RASGEF1B: variants seen among roughly 807,000 people sequenced by gnomAD.
RASGEF1B encodes the protein RasGEF domain family member 1B.
RASGEF1B carries 30 observed loss-of-function variants against 65.7 expected under a neutral mutation model. The observed-to-expected ratio is 0.46, with a 90% CI of 0.34 to 0.62. The LOEUF is 0.62. RASGEF1B is among the 20% of genes least tolerant of loss of function. The pLI is 0.01. For missense variants in RASGEF1B, 495 were observed against 580.1 expected, an observed-to-expected ratio of 0.85 and a Z score of 1.51; for synonymous variants, 175 against 194.8, an observed-to-expected ratio of 0.90 and a Z score of 0.85.
At chr4:81,466,615 T>G (rs543384230) in intron 1 of RASGEF1B, among the ~76,000 whole-genome samples, 1 of 151,178 alleles carries the variant, frequency 6.6e-6, no homozygotes, top group Admixed American at 6.6e-5. Context: ...AAAAATTAGC[T>G]GGGCGTGGTG....
At chr4:81,428,110 G>A (rs17005138) in intron 13 of RASGEF1B, among the ~76,000 whole-genome samples, 3,198 of 152,136 alleles carry the variant, frequency 0.021, 73 homozygotes, top group Admixed American at 0.076. Flanking sequence ...TTAGGTACAG[G>A]TTATCACAGA....
intron 4 of RASGEF1B, among the ~76,000 whole-genome samples, chr4:81,450,382 C>T (rs1486035893): frequency 7.3e-6 from 1 of 137,398 alleles, no homozygotes; most frequent in Non-Finnish European, 1.5e-5. Flanking sequence ...GATTGACTGA[C>T]TGAGACAGAG....
intron 1 of RASGEF1B, among the ~76,000 whole-genome samples, chr4:81,460,597 C>T (rs1313942747): frequency 6.6e-6 from 1 of 152,182 alleles, no homozygotes; most frequent in Non-Finnish European, 1.5e-5. Context: ...CTGTCTAAGT[C>T]ACATCCATCA....
In RASGEF1B at chr4:81,442,326, C is replaced by T; in HGVS notation, c.979G>A (p.Val327Met). Residue 327 changes from valine to methionine, a missense_variant, in exon 9 of 14, where the codon GTG becomes ATG. Coordinates refer to ENST00000264400, the MANE Select transcript of RASGEF1B (RefSeq NM_152545.3). ...AGAATGTCAAATTTTGCAGTCTTCA[C>T]TTTGGCCCAAGTTTTTTTTAGTCGA... The part of the protein sequence containing the change: ...VSRLKKTWAK[V>M]KTAKFDILEH... 1 of 1,613,458 alleles carries T rather than the reference C, an allele frequency of 6.2e-7. No homozygotes were observed. The highest frequency in any genetic ancestry group is 1.7e-4 in the Middle Eastern group (1 of 6,060).
At chr4:81,456,850 T>C (rs910360577) in intron 3 of RASGEF1B, 62 bp from the exon 4 acceptor site, 1 of 1,405,210 alleles carries the variant, frequency 7.1e-7, no homozygotes, top group African/African-American at 1.4e-5. Flanking sequence ...ATCAAATCAA[T>C]AGTTACAAAG....
At chr4:81,437,111 C>T (rs760809075) in intron 10 of RASGEF1B, among the ~76,000 whole-genome samples, 2 of 152,166 alleles carry the variant, frequency 1.3e-5, no homozygotes, top group Non-Finnish European at 2.9e-5. Flanking sequence ...TTGGATGCTG[C>T]CAGACAACAG....
intron 1 of RASGEF1B, among the ~76,000 whole-genome samples, chr4:81,468,026 G>C (rs1343017822): frequency 3.9e-5 from 6 of 152,084 alleles, no homozygotes; most frequent in Admixed American, 3.9e-4. Context: ...TTTAAATTTT[G>C]TTTAATTTAA....
intron 10 of RASGEF1B, among the ~76,000 whole-genome samples, chr4:81,438,199 C>T (rs1224409293): frequency 3.3e-5 from 5 of 152,072 alleles, no homozygotes; most frequent in Non-Finnish European, 5.9e-5. Flanking sequence ...ACACAGGTAC[C>T]TACAGAAACA....
intron 1 of RASGEF1B, among the ~76,000 whole-genome samples, chr4:81,461,490 G>A (rs888530076): frequency 7.2e-5 from 11 of 152,110 alleles, no homozygotes; most frequent in Non-Finnish European, 1.2e-4. Flanking sequence ...CATTGCTAGC[G>A]CAACCATTCT....
At chr4:81,446,035 C>T (rs868053060) in intron 6 of RASGEF1B, among the ~76,000 whole-genome samples, 197 bp from the exon 7 acceptor site, 1 of 152,200 alleles carries the variant, frequency 6.6e-6, no homozygotes. Flanking sequence ...TTAGGATAGT[C>T]CAGTGAAACA....
At chr4:81,467,893 C>G (rs922266312) in intron 1 of RASGEF1B, among the ~76,000 whole-genome samples, 3 of 152,110 alleles carry the variant, frequency 2.0e-5, no homozygotes, top group Non-Finnish European at 2.9e-5. Context: ...TGAGTGCTGT[C>G]AAAAAGAACT....
At chr4:81,433,074 A>C (rs1315908864) in intron 12 of RASGEF1B, among the ~76,000 whole-genome samples, 1 of 151,584 alleles carries the variant, frequency 6.6e-6, no homozygotes, top group African/African-American at 2.4e-5. Context: ...AAAAGAAAGA[A>C]AAAAATTAAT....
Position 81,440,879 on chromosome 4 carries a change from A to T in RASGEF1B, c.1059T>A (p.Arg353=), listed in dbSNP as rs767604750. The part of the protein sequence containing the change: ...SNFYNYRTAL[R]GAAQRSLTAH... ...CAGTTAAAGACCTTTGTGCTGCCCC[A>T]CGAAGAGCTGTTCGATAATTATAGA... The change falls in exon 10 of 14, where the codon CGT becomes CGA. Residue 353 remains arginine, a synonymous_variant. Transcript: ENST00000264400. The T allele has an allele frequency of 1.9e-6, 3 of 1,613,382 alleles. No homozygotes were observed. The highest frequency in any genetic ancestry group is 2.7e-5 in the African/African-American group (2 of 75,010).
At position 81,445,503 on chromosome 4, in the gene RASGEF1B, T is replaced by C. The variant is rs200328499; in HGVS notation, c.928+23A>G. The C allele has an allele frequency of 3.3e-5, 49 of 1,476,884 alleles. No homozygotes were observed. The Admixed American group carries it at 6.4e-4, about 19-fold the overall frequency. The allele number at this position is 1,476,884 out of a possible 1,614,324, so 91.5% of individuals were successfully genotyped here. ...ACAGGATTCGTAAAGATAAACGACA[T>C]GTATCCTCCACAAAATACTCACAGA... is the stretch of plus-strand genomic sequence containing the variant. On this transcript the variant is annotated intron_variant, in intron 8 of 13. Coordinates refer to ENST00000264400, the MANE Select transcript of RASGEF1B (RefSeq NM_152545.3).
intron 3 of RASGEF1B, 75 bp from the exon 4 acceptor site, chr4:81,456,863 C>A: frequency 7.6e-7 from 1 of 1,321,960 alleles, no homozygotes; most frequent in Non-Finnish European, 1.0e-6. Flanking sequence ...TTACAAAGAG[C>A]GTCACTGAGA....
chr4:81,460,246 G>A (rs2109993067), intron 1 of RASGEF1B, among the ~76,000 whole-genome samples: 1 of 152,290 alleles, frequency 6.6e-6, no homozygotes, highest in East Asian at 1.9e-4. Context: ...GAGATAAGTT[G>A]CTCCTCTCCA....
intron 3 of RASGEF1B, 66 bp from the exon 4 acceptor site, chr4:81,456,854 T>TA: frequency 7.3e-7 from 1 of 1,367,090 alleles, no homozygotes; most frequent in Admixed American, 2.1e-5. Flanking sequence ...AATCAATAGT[T>TA]ACAAAGAGCG....
chr4:81,471,396 C>T (rs937395038), intron 1 of RASGEF1B, among the ~76,000 whole-genome samples: 1 of 152,222 alleles, frequency 6.6e-6, no homozygotes, highest in Non-Finnish European at 1.5e-5. Flanking sequence ...GAAGGCCTGG[C>T]TGCAGGATCA....
Position 81,445,639 on chromosome 4 carries a change from A to T in RASGEF1B, c.826-11T>A. ...TTTTTTCTTAACAGGCTACACAGTA[A>T]AAGACAATAGAGGGCAGTTATCCAG... On this transcript the variant is annotated splice_polypyrimidine_tract_variant and intron_variant, in intron 7 of 13. Transcript: ENST00000264400. 2 of 1,606,908 alleles carry T rather than the reference A, an allele frequency of 1.2e-6. No homozygotes were observed. The highest frequency in any genetic ancestry group is 1.7e-6 in the Non-Finnish European group (2 of 1,173,532).
Sources: allele counts gnomAD v4.1 joint callset (sites outside exome capture counted in the v4.1 genomes callset), GRCh38; gene constraint gnomAD v4.1.1; transcripts MANE v1.5; gene names NCBI Gene and HGNC (gene_info 2026-07-23, HGNC 2026-07-21).